The following CENPT variants were observed in gnomAD, a reference collection of about 807,000 sequenced individuals.
The protein encoded by CENPT is centromere protein T.
CENPT carries 42 observed loss-of-function variants against 59.7 expected under a neutral mutation model. The observed-to-expected ratio is 0.70, with a 90% CI of 0.55 to 0.91. CENPT has a LOEUF of 0.91. CENPT is among the 40% of genes least tolerant of loss of function. The probability of loss-of-function intolerance (pLI) is 0.00; values close to 1 mark genes in which losing one functional copy is unlikely to be tolerated. For synonymous variants in CENPT, 295 were observed against 289.6 expected (o/e 1.02, Z -0.19); for missense variants, 716 against 713.4 (o/e 1.00, Z -0.04).
chr16:67,833,800 C>G lies in CENPT; in HGVS notation c.60G>C (p.Leu20=). ...GCGGGGTGCGCGGGTCCGCTGTATC[C>G]AGCACGCGTCGCAGCAGCGTGCGCG... The part of the protein sequence containing the change: ...STPRTLLRRV[L]DTADPRTPRR... The change falls in exon 4 of 16, where the codon CTG becomes CTC. Residue 20 remains leucine (L), a synonymous_variant. Coordinates refer to ENST00000562787, the MANE Select transcript of CENPT (RefSeq NM_025082.4). 1 of 1,576,782 alleles carries G rather than the reference C, an allele frequency of 6.3e-7. No homozygotes were observed. The highest frequency in any genetic ancestry group is 8.6e-7 in the Non-Finnish European group (1 of 1,163,778).
chr16:67,832,411 C>G, intron 5 of CENPT, 44 bp downstream of exon 5: 1 of 1,610,602 alleles, frequency 6.2e-7, no homozygotes, highest in South Asian at 1.1e-5. Flanking sequence ...CCCCCCTCCC[C>G]GAGGCAGCCA....
chr16:67,836,362 A>T (rs944476183), intron 1 of CENPT, among the ~76,000 whole-genome samples: 2 of 151,980 alleles, frequency 1.3e-5, no homozygotes, highest in Non-Finnish European at 2.9e-5. Flanking sequence ...ACCCGGCCCC[A>T]GCCTGCAGTT....
At chr16:67,845,893 G>A (rs1243970062) in intron 1 of CENPT, among the ~76,000 whole-genome samples, 1 of 152,238 alleles carries the variant, frequency 6.6e-6, no homozygotes, top group African/African-American at 2.4e-5. Context: ...TCTTGGAGGG[G>A]TAGCCTGTGG....
Position 67,831,370 on chromosome 16 carries a change from G to A in CENPT, c.561-12C>T, listed in dbSNP as rs1389147804. 6.2e-7 allele frequency: 1 copy of A among 1,611,106 alleles called. No homozygotes were observed. The highest frequency in any genetic ancestry group is 2.2e-5 in the East Asian group (1 of 44,766). ...TCAGGTTGAGGGATCTGGTGAGGTG[G>A]GGAGGCACAGAGGAAAGTCAGGTAC... On this transcript the variant is annotated splice_polypyrimidine_tract_variant and intron_variant, in intron 9 of 15. Transcript: ENST00000562787.
At chr16:67,831,521 C>G in intron 9 of CENPT, 55 bp downstream of exon 9, 1 of 1,603,932 alleles carries the variant, frequency 6.2e-7, no homozygotes, top group Non-Finnish European at 8.5e-7. Context: ...CAGCACCTCC[C>G]TCCCCAAGTC....
intron 1 of CENPT, among the ~76,000 whole-genome samples, chr16:67,839,762 T>C (rs1045734327): frequency 4.6e-5 from 7 of 151,216 alleles, no homozygotes; most frequent in Non-Finnish European, 1.0e-4. Context: ...TAATCCCAGC[T>C]ACTTGGGAGG....
intron 1 of CENPT, among the ~76,000 whole-genome samples, chr16:67,838,733 C>T (rs554205981): frequency 6.6e-6 from 1 of 151,490 alleles, no homozygotes; most frequent in South Asian, 2.1e-4. Context: ...CAAGGCCAGT[C>T]TGGCCAACAT....
chr16:67,840,112 C>G (rs1011699597), intron 1 of CENPT, among the ~76,000 whole-genome samples: 1 of 151,738 alleles, frequency 6.6e-6, no homozygotes, highest in Non-Finnish European at 1.5e-5. Context: ...GTCAGGAGAT[C>G]GAGACCATCC....
At chr16:67,836,355 C>T (rs2057734828) in intron 1 of CENPT, among the ~76,000 whole-genome samples, 1 of 152,072 alleles carries the variant, frequency 6.6e-6, no homozygotes, top group South Asian at 2.1e-4. Context: ...CCACTACACC[C>T]GGCCCCAGCC....
chr16:67,828,655 C>T lies in CENPT; in HGVS notation c.1457+12G>A, dbSNP rs749748044. ...GGGGTTCCTCTCCCTACCCCATGTG[C>T]CCAGGACTCACCACTTCTCCACCAT... On this transcript the variant is annotated intron_variant, in intron 14 of 15. Coordinates refer to ENST00000562787, the MANE Select transcript of CENPT (RefSeq NM_025082.4). 1.1e-5 allele frequency: 17 copies of T among 1,614,010 alleles called. No individual in the cohort carries two copies. The highest frequency in any genetic ancestry group is 6.6e-5 in the South Asian group (6 of 91,078).
At position 67,842,444 on chromosome 16, in the gene CENPT, A is replaced by G; in HGVS notation, c.-492+4957T>C. 1.2e-6 allele frequency: 1 copy of G among 825,038 alleles called. No homozygotes were observed. Among genetic ancestry groups the G allele is most frequent in the Non-Finnish European group, 1.6e-6 (1 of 624,708 alleles). The allele number at this position is 825,038 out of a possible 1,614,324, so 51.1% of individuals were successfully genotyped here. A position where few individuals can be genotyped will look rare whatever the true frequency, so the allele number is the denominator to read the frequency against. The stretch of plus-strand genomic sequence containing the variant: ...CGCCGAGCGGCAGTGGTGGGATACC[A>G]CCCAAGGCCTCGCGCGGCGCCGCCC... On this transcript the variant is annotated intron_variant, in intron 1 of 15. Coordinates refer to ENST00000562787, the MANE Select transcript of CENPT (RefSeq NM_025082.4). This position sits in a 1 kb window ranked among gnomAD's most constrained non-coding sequence, Gnocchi z 4.9.
In CENPT at chr16:67,831,884, C is replaced by A. The variant is rs1228050693; in HGVS notation, c.393G>T (p.Glu131Asp). ...GGGGCTCGAGCTCAGGAAGTTGCAG[C>A]TCCAGGCTATAAGAATGGAGCTTAT... ...SRQESSCGSL[E>D]LQLPELEPPT... The change falls in exon 8 of 16, where the codon GAG (glutamate) becomes GAT (aspartate). Residue 131 changes from glutamate to aspartate, a missense_variant. Transcript: ENST00000562787. 2 of 1,611,446 alleles carry A rather than the reference C, an allele frequency of 1.2e-6. No homozygotes were observed. Among genetic ancestry groups the A allele is most frequent in the Admixed American group, 3.4e-5 (2 of 59,454 alleles).
chr16:67,831,808 G>C lies in CENPT; in HGVS notation c.469C>G (p.Leu157Val). Residue 157 changes from leucine (L) to valine (V), a missense_variant, in exon 8 of 16, where the codon CTG becomes GTG. Coordinates refer to ENST00000562787, the MANE Select transcript of CENPT (RefSeq NM_025082.4). ...CCCTGCTGAAACACTGACAGTCTCA[G>C]CCTCTGTTTCCTCCTGCCAGGGGCC... ...LLAPGRRKQRLRLSVFQQGVD... is the reference protein window; with the variant it reads ...LLAPGRRKQRVRLSVFQQGVD... The C allele has an allele frequency of 6.2e-7, 1 of 1,601,230 alleles. No individual in the cohort carries two copies. Among genetic ancestry groups the C allele is most frequent in the Non-Finnish European group, 8.5e-7 (1 of 1,174,764 alleles).
chr16:67,837,169 CT>C (rs894236364), intron 1 of CENPT, among the ~76,000 whole-genome samples: 13 of 147,372 alleles, frequency 8.8e-5, no homozygotes, highest in East Asian at 2.0e-4. Context: ...CGTGCCTTGC[CT>C]TTTTTTTTTC....
rs1440689209 is a variant in CENPT at position 67,842,427 on chromosome 16, G to C, written c.-492+4974C>G. The C allele has an allele frequency of 3.4e-6, 2 of 592,422 alleles. No individual in the cohort carries two copies. Among genetic ancestry groups the C allele is most frequent in the Non-Finnish European group, 4.7e-6 (2 of 422,962 alleles). 36.7% of individuals were successfully genotyped at this position (592,422 alleles called of 1,614,324 possible). On this transcript the variant is annotated intron_variant, in intron 1 of 15. Coordinates refer to ENST00000562787, the MANE Select transcript of CENPT (RefSeq NM_025082.4). This position sits in a 1 kb window ranked among gnomAD's most constrained non-coding sequence, Gnocchi z 4.9. Reference sequence around the variant, plus strand: ...GCCGGGCGGGCCGGCTGCGCCGAGCGGCAGTGGTGGGATACCACCCAAGGC... The same window carrying C: ...GCCGGGCGGGCCGGCTGCGCCGAGCCGCAGTGGTGGGATACCACCCAAGGC...
At position 67,829,977 on chromosome 16, in the gene CENPT, G is replaced by A. The variant is rs2057668378; in HGVS notation, c.974C>T (p.Pro325Leu). ...TGCCTCTTCAACTCCATCGTGTAAG[G>A]GCTCTACTTCATCTTCTCCAGAGAC... is the stretch of plus-strand genomic sequence containing the variant. ...SGVSGEDEVEPLHDGVEEAEK... is the reference protein window; with the variant it reads ...SGVSGEDEVELLHDGVEEAEK... The change falls in exon 12 of 16, where the codon CCC becomes CTC. Residue 325 changes from proline (P) to leucine (L), a missense_variant. Pro to Leu is a moderately conservative substitution (Grantham distance 98). Coordinates refer to ENST00000562787, the MANE Select transcript of CENPT (RefSeq NM_025082.4). The A allele has an allele frequency of 1.9e-6, 3 of 1,614,136 alleles. No homozygotes were observed. Among genetic ancestry groups the A allele is most frequent in the Non-Finnish European group, 1.7e-6 (2 of 1,180,036 alleles).
rs2057646412 is a variant in CENPT, at chr16:67,828,989, C to T, written c.1281-146G>A. ...GCAGCCCTGACCACCTGCTGAGGGG[C>T]AGTTGGGTCAGGGGGCCACATAGAG... is the stretch of plus-strand genomic sequence containing the variant. On this transcript the variant is annotated intron_variant, in intron 13 of 15. Coordinates refer to ENST00000562787, the MANE Select transcript of CENPT (RefSeq NM_025082.4). 1.1e-5 allele frequency: 8 copies of T among 732,306 alleles called. No individual in the cohort carries two copies. The Middle Eastern group carries it at 1.1e-3, about 98-fold the overall frequency. 45.4% of individuals were successfully genotyped at this position (732,306 alleles called of 1,614,324 possible). A position where few individuals can be genotyped will look rare whatever the true frequency, so the allele number is the denominator to read the frequency against.
chr16:67,843,661 C>G lies in CENPT; in HGVS notation c.-492+3740G>C. The G allele has an allele frequency of 1.4e-6, 1 of 696,036 alleles. No individual in the cohort carries two copies. The highest frequency in any genetic ancestry group is 2.1e-5 in the South Asian group (1 of 48,664). 43.1% of individuals were successfully genotyped at this position (696,036 alleles called of 1,614,324 possible). ...GACCTGGCATCCTCAATTGTTTCCT[C>G]CTGAAGTGGAAGCTGGGGCCTTAGA... On this transcript the variant is annotated intron_variant, in intron 1 of 15. Coordinates refer to ENST00000562787, the MANE Select transcript of CENPT (RefSeq NM_025082.4). The surrounding 1 kb of genome is among the most constrained non-coding windows in gnomAD (Gnocchi z 5.7).
At chr16:67,835,515 T>C in intron 2 of CENPT, 23 bp downstream of exon 2, 1 of 151,992 alleles carries the variant, frequency 6.6e-6, no homozygotes, top group East Asian at 1.9e-4. Flanking sequence ...ACACAAAAAT[T>C]AGCTGGGTGT....
Sources: allele counts gnomAD v4.1 joint callset (sites outside exome capture counted in the v4.1 genomes callset), GRCh38; gene constraint gnomAD v4.1.1; non-coding constraint Gnocchi (gnomAD v3.1); transcripts MANE v1.5; gene names NCBI Gene and HGNC (gene_info 2026-07-23, HGNC 2026-07-21).